CDYL2: variants seen among roughly 807,000 people sequenced by gnomAD.
The protein encoded by CDYL2 is chromodomain Y like 2.
A neutral mutation model predicts 49.4 loss-of-function variants in CDYL2; 23 were observed. The observed-to-expected ratio is 0.47, with a 90% CI of 0.34 to 0.66. CDYL2 has a LOEUF of 0.66. Ranked by LOEUF, CDYL2 falls within the 30% of genes least tolerant of loss-of-function variation. The probability of loss-of-function intolerance (pLI) is 0.01; values close to 1 mark genes in which losing one functional copy is unlikely to be tolerated. For missense variants in CDYL2, 678 were observed against 656.4 expected (o/e 1.03, Z -0.36); for synonymous variants, 360 against 268.8 (o/e 1.34, Z -3.32).
chr16:80,617,358 G>A (rs1054882261), intron 4 of CDYL2, among the ~76,000 whole-genome samples: 2 of 152,190 alleles, frequency 1.3e-5, no homozygotes, highest in African/African-American at 4.8e-5. Flanking sequence ...CAACGTTTTA[G>A]CCCTGCTAGA....
chr16:80,762,249 AG>A (rs1297408533), intron 1 of CDYL2, among the ~76,000 whole-genome samples: 2 of 152,348 alleles, frequency 1.3e-5, no homozygotes, highest in African/African-American at 4.8e-5. Context: ...CTAGGAATAA[AG>A]TTCAAATGAA....
intron 1 of CDYL2, among the ~76,000 whole-genome samples, chr16:80,707,932 G>T (rs1308498412): frequency 6.6e-6 from 1 of 152,110 alleles, no homozygotes; most frequent in African/African-American, 2.4e-5. Flanking sequence ...TCTCCAGTAG[G>T]GTGTTGGGTT....
At chr16:80,682,006 T>A (rs1273604883) in intron 2 of CDYL2, among the ~76,000 whole-genome samples, 5 of 152,180 alleles carry the variant, frequency 3.3e-5, no homozygotes, top group Non-Finnish European at 7.3e-5. Flanking sequence ...ACAAAGCTCA[T>A]CTCAAAATGC....
At chr16:80,677,299 C>T (rs1267674531) in intron 2 of CDYL2, among the ~76,000 whole-genome samples, 1 of 152,096 alleles carries the variant, frequency 6.6e-6, no homozygotes, top group Admixed American at 6.6e-5. Context: ...TTTCTCTCTT[C>T]AGGCTTTCTA....
intron 2 of CDYL2, among the ~76,000 whole-genome samples, chr16:80,674,871 A>G (rs1021107778): frequency 6.6e-6 from 1 of 152,246 alleles, no homozygotes; most frequent in African/African-American, 2.4e-5. Context: ...TCTAGCATTG[A>G]AATAAACTTT....
intron 1 of CDYL2, among the ~76,000 whole-genome samples, chr16:80,725,022 A>G (rs991710945): frequency 6.6e-6 from 1 of 152,168 alleles, no homozygotes; most frequent in Non-Finnish European, 1.5e-5. Context: ...TCTAGATGCC[A>G]CCTGCCTGCC....
intron 2 of CDYL2, among the ~76,000 whole-genome samples, chr16:80,669,709 G>A (rs1378224067): frequency 6.6e-6 from 1 of 152,216 alleles, no homozygotes; most frequent in Non-Finnish European, 1.5e-5. Context: ...TGCCCCCACT[G>A]AAAGCAGAGC....
chr16:80,640,076 C>T (rs900590609), intron 2 of CDYL2, among the ~76,000 whole-genome samples: 6 of 152,088 alleles, frequency 3.9e-5, no homozygotes, highest in Non-Finnish European at 8.8e-5. Flanking sequence ...ATCCTAGTCC[C>T]GCAATGGGCC....
intron 2 of CDYL2, among the ~76,000 whole-genome samples, chr16:80,670,329 G>C (rs1444812770): frequency 6.6e-6 from 1 of 152,126 alleles, no homozygotes; most frequent in Non-Finnish European, 1.5e-5. Flanking sequence ...TGATACTGAA[G>C]TGAGTTCTCA....
At chr16:80,616,686 G>A (rs1041863889) in intron 4 of CDYL2, among the ~76,000 whole-genome samples, 1 of 152,132 alleles carries the variant, frequency 6.6e-6, no homozygotes, top group Admixed American at 6.5e-5. Flanking sequence ...CTTAGTCCAG[G>A]CGCCCACTCC....
chr16:80,618,733 C>T (rs1250541343), intron 4 of CDYL2, among the ~76,000 whole-genome samples: 1 of 152,178 alleles, frequency 6.6e-6, no homozygotes, highest in Non-Finnish European at 1.5e-5. Flanking sequence ...ACCTTGCCTG[C>T]AGCTGTCCAG....
intron 1 of CDYL2, among the ~76,000 whole-genome samples, chr16:80,692,904 A>G (rs1362760355): frequency 6.6e-6 from 1 of 152,186 alleles, no homozygotes; most frequent in East Asian, 1.9e-4. Flanking sequence ...TTTTCTCATA[A>G]CAGACAAAAC....
intron 1 of CDYL2, among the ~76,000 whole-genome samples, chr16:80,746,405 G>A (rs1905932296): frequency 6.6e-6 from 1 of 152,162 alleles, no homozygotes; most frequent in Non-Finnish European, 1.5e-5. Context: ...TGTTCCATTT[G>A]GCACCGACTC....
intron 1 of CDYL2, chr16:80,738,556 AG>A (rs1228634370): frequency 1.3e-5 from 2 of 152,338 alleles, no homozygotes; most frequent in African/African-American, 2.4e-5. Flanking sequence ...ATTCCAGAAT[AG>A]GCAAATCCAT....
chr16:80,799,690 A>C (rs1907868507), intron 1 of CDYL2, among the ~76,000 whole-genome samples: 1 of 152,196 alleles, frequency 6.6e-6, no homozygotes, highest in Non-Finnish European at 1.5e-5. Flanking sequence ...CCCCTGAAGA[A>C]ATTATCTCAT....
chr16:80,631,437 T>G (rs1418870195), intron 3 of CDYL2, among the ~76,000 whole-genome samples: 1 of 152,236 alleles, frequency 6.6e-6, no homozygotes, highest in African/African-American at 2.4e-5. Context: ...ACCCTGTATT[T>G]TGAATGATGT....
rs56048210 is a variant in CDYL2 at position 80,626,092 on chromosome 16, C to T, written c.835-5157G>A. Among the ~76,000 whole-genome samples the T allele has an allele frequency of 4.2e-3, 635 of 151,430 alleles. 7 individuals carry two copies. The highest frequency in any genetic ancestry group is 0.015 in the African/African-American group (620 of 41,216). ...ATTGCCTGAGCTCAGGAGTTCGAGG[C>T]CAGCCTGGGCAACATGATGAAACCC... On this transcript the variant is annotated intron_variant, in intron 3 of 6. Transcript: ENST00000570137.
chr16:80,609,404 C>A (rs1235086727), intron 5 of CDYL2, among the ~76,000 whole-genome samples: 3 of 152,206 alleles, frequency 2.0e-5, no homozygotes, highest in Non-Finnish European at 2.9e-5. Flanking sequence ...TAAGTTCCCC[C>A]ACTGAGTTCT....
At chr16:80,679,466 T>C (rs1404559182) in intron 2 of CDYL2, among the ~76,000 whole-genome samples, 1 of 152,120 alleles carries the variant, frequency 6.6e-6, no homozygotes, top group Admixed American at 6.5e-5. Context: ...GCAGTCAAAT[T>C]GCCTGAGTTT....
Sources: allele counts gnomAD v4.1 joint callset (sites outside exome capture counted in the v4.1 genomes callset), GRCh38; gene constraint gnomAD v4.1.1; transcripts MANE v1.5; gene names NCBI Gene and HGNC (gene_info 2026-07-23, HGNC 2026-07-21).